Variants in ZBTB20 observed in about 807,000 individuals in gnomAD.
The protein encoded by ZBTB20 is zinc finger and BTB domain containing 20.
ZBTB20 carries 9 observed loss-of-function variants against 56.9 expected under a neutral mutation model. That is an observed-to-expected ratio of 0.16 (90% CI 0.10 to 0.28). The LOEUF (loss-of-function observed/expected upper bound fraction) is 0.28, where lower values mean the gene tolerates loss of function less well. Ranked by LOEUF, ZBTB20 falls within the 10% of genes least tolerant of loss-of-function variation. ZBTB20 has a pLI of 1.00. For missense variants in ZBTB20, 655 were observed against 1,003.0 expected, an observed-to-expected ratio of 0.65 and a Z score of 4.69; for synonymous variants, 417 against 420.7, an observed-to-expected ratio of 0.99 and a Z score of 0.11.
intron 1 of ZBTB20, among the ~76,000 whole-genome samples, chr3:115,143,688 T>C (rs535055606): frequency 6.6e-6 from 1 of 152,348 alleles, no homozygotes; most frequent in Non-Finnish European, 1.5e-5. Context: ...ATTTTTTTAA[T>C]ATAAAGCAAC....
At chr3:115,019,961 A>G (rs1440278616) in intron 2 of ZBTB20, among the ~76,000 whole-genome samples, 1 of 151,330 alleles carries the variant, frequency 6.6e-6, no homozygotes, top group Non-Finnish European at 1.5e-5. Context: ...ACAAAAATTC[A>G]GGAGATAAAT....
chr3:115,065,732 T>C (rs1208943367), intron 2 of ZBTB20, among the ~76,000 whole-genome samples: 6 of 152,148 alleles, frequency 3.9e-5, no homozygotes. Context: ...ACCCTCTTAT[T>C]TTATAAAAGT....
Position 114,939,995 on chromosome 3 carries a change from T to C in ZBTB20, c.-456+34371A>G, listed in dbSNP as rs72960310. Among the ~76,000 whole-genome samples the C allele has an allele frequency of 8.5e-3, 1,244 of 146,670 alleles. 263 individuals are homozygous for C. Among genetic ancestry groups the C allele is most frequent in the African/African-American group, 0.032 (1,148 of 36,228 alleles). On this transcript the variant is annotated intron_variant, in intron 3 of 11. Coordinates refer to ENST00000675478, the MANE Select transcript of ZBTB20 (RefSeq NM_001348800.3). ...TGGGTTTTTAAATGAAAACTGATGT[T>C]TCATATGCTCTTCTATGACTATTCA...
intron 6 of ZBTB20, among the ~76,000 whole-genome samples, chr3:114,569,944 A>G (rs962906385): frequency 2.0e-5 from 3 of 152,010 alleles, no homozygotes; most frequent in African/African-American, 7.3e-5. Flanking sequence ...AGAAAAAATA[A>G]GAGGAATTAG....
At chr3:114,815,492 C>A (rs1027744753) in intron 4 of ZBTB20, among the ~76,000 whole-genome samples, 3 of 152,190 alleles carry the variant, frequency 2.0e-5, no homozygotes, top group Non-Finnish European at 2.9e-5. Flanking sequence ...TTCCCCTGCA[C>A]ACAACGAGTA....
intron 2 of ZBTB20, among the ~76,000 whole-genome samples, chr3:114,985,025 T>C (rs1035069168): frequency 6.6e-6 from 1 of 152,066 alleles, no homozygotes; most frequent in Non-Finnish European, 1.5e-5. Context: ...GTGGTTACTC[T>C]TTATCCCACT....
rs1252455616 is a variant in ZBTB20 at position 114,334,724 on chromosome 3, T to C, written c.*4281A>G. On this transcript the variant is annotated 3_prime_UTR_variant, in exon 12 of 12. Transcript: ENST00000675478. ...GACTAGGAATGAACTGAGGCTAGAA[T>C]ATGAGCAGGAAATTATCCAGCACAC... 3 of 152,184 alleles carry C rather than the reference T, an allele frequency of 2.0e-5. No individual in the cohort carries two copies. Among genetic ancestry groups the C allele is most frequent in the Non-Finnish European group, 4.4e-5 (3 of 68,032 alleles). The allele number at this position is 152,184 out of a possible 1,614,324, so 9.4% of individuals were successfully genotyped here.
At chr3:114,449,480 G>C (rs1334143362) in intron 7 of ZBTB20, among the ~76,000 whole-genome samples, 1 of 152,110 alleles carries the variant, frequency 6.6e-6, no homozygotes, top group Non-Finnish European at 1.5e-5. Flanking sequence ...ACATCAAACA[G>C]AGTTAAAGCA....
rs558754472 is a variant in ZBTB20, at chr3:114,326,171, T to C, written c.*12834A>G. ...ATTTCGGCAGCACCCCTTCCTTTTC[T>C]TTCCTGGGTATCTTGCAGTAGATAT... On this transcript the variant is annotated 3_prime_UTR_variant, in exon 12 of 12. Transcript: ENST00000675478. 4 of 152,338 alleles carry C rather than the reference T, an allele frequency of 2.6e-5. No individual in the cohort carries two copies. Among genetic ancestry groups the C allele is most frequent in the Non-Finnish European group, 5.9e-5 (4 of 68,020 alleles). The allele number at this position is 152,338 out of a possible 1,614,324, so 9.4% of individuals were successfully genotyped here.
At chr3:114,405,082 T>C (rs7428451) in intron 7 of ZBTB20, among the ~76,000 whole-genome samples, 31,862 of 151,484 alleles carry the variant, frequency 0.21, 4,499 homozygotes, top group African/African-American at 0.4. Context: ...AGTGTCCTCA[T>C]AGGAGGAAAA....
chr3:114,796,018 G>A (rs900147268), intron 5 of ZBTB20, among the ~76,000 whole-genome samples: 3 of 151,930 alleles, frequency 2.0e-5, no homozygotes, highest in Admixed American at 6.6e-5. Context: ...TATTGCATTA[G>A]TTTCTTAGAG....
chr3:114,501,855 C>T (rs938143124), intron 6 of ZBTB20, among the ~76,000 whole-genome samples: 4 of 151,232 alleles, frequency 2.6e-5, no homozygotes, highest in South Asian at 2.1e-4. Context: ...ACTACAGGCA[C>T]GCACCACCAC....
rs1181544380 is a variant in ZBTB20 at position 114,330,863 on chromosome 3, A to G, written c.*8142T>C. 2.0e-5 allele frequency: 3 copies of G among 152,212 alleles called. No homozygotes were observed. The highest frequency in any genetic ancestry group is 7.2e-5 in the African/African-American group (3 of 41,440). The allele number at this position is 152,212 out of a possible 1,614,324, so 9.4% of individuals were successfully genotyped here. A position where few individuals can be genotyped will look rare whatever the true frequency, so the allele number is the denominator to read the frequency against. On this transcript the variant is annotated 3_prime_UTR_variant, in exon 12 of 12. Coordinates refer to ENST00000675478, the MANE Select transcript of ZBTB20 (RefSeq NM_001348800.3). ...AACCCTCAGAGTCCATTCATTCAGT[A>G]TATTATACTAGAGTGGCATTCTACT...
At chr3:114,868,569 G>C (rs1165849019) in intron 4 of ZBTB20, among the ~76,000 whole-genome samples, 1 of 152,140 alleles carries the variant, frequency 6.6e-6, no homozygotes, top group African/African-American at 2.4e-5. Flanking sequence ...AAATTCTAAA[G>C]AGTACTCTCA....
chr3:114,866,243 C>T (rs916202042), intron 4 of ZBTB20, among the ~76,000 whole-genome samples: 67 of 152,148 alleles, frequency 4.4e-4, no homozygotes, highest in African/African-American at 1.5e-3. Context: ...AATAACTCAA[C>T]CAAGTATGTA....
At chr3:114,346,774 C>T (rs1412872001) in intron 11 of ZBTB20, among the ~76,000 whole-genome samples, 2 of 151,398 alleles carry the variant, frequency 1.3e-5, no homozygotes, top group African/African-American at 2.4e-5. Context: ...TAACCTCTGC[C>T]TTCTGGGCTC....
At chr3:114,866,445 G>T (rs2107517275) in intron 4 of ZBTB20, among the ~76,000 whole-genome samples, 1 of 152,282 alleles carries the variant, frequency 6.6e-6, no homozygotes, top group South Asian at 2.1e-4. Flanking sequence ...TTTTGGTCAG[G>T]ATTAAATTAG....
chr3:114,567,473 TG>T (rs2110339506), intron 6 of ZBTB20, among the ~76,000 whole-genome samples: 1 of 152,294 alleles, frequency 6.6e-6, no homozygotes, highest in African/African-American at 2.4e-5. Context: ...TGCAATCTTT[TG>T]GGGGAAGTTG....
intron 6 of ZBTB20, among the ~76,000 whole-genome samples, chr3:114,649,848 C>T (rs2669904): frequency 0.3 from 44,930 of 151,660 alleles, 9,357 homozygotes; most frequent in African/African-American, 0.59. Context: ...GGAGATTTCC[C>T]TTTAAAAGCA....
Sources: allele counts gnomAD v4.1 joint callset (sites outside exome capture counted in the v4.1 genomes callset), GRCh38; gene constraint gnomAD v4.1.1; transcripts MANE v1.5; gene names NCBI Gene and HGNC (gene_info 2026-07-23, HGNC 2026-07-21).